HOXD4: variants seen among roughly 807,000 people sequenced by gnomAD.
The protein encoded by HOXD4 is homeobox protein Hox-D4.
Under a neutral mutation model 22.6 loss-of-function variants are expected in HOXD4, and 15 were observed. That is an observed-to-expected ratio of 0.67 (90% confidence interval 0.45 to 1.02). The LOEUF (loss-of-function observed/expected upper bound fraction) is 1.02, where lower values mean the gene tolerates loss of function less well. Ranked by LOEUF, HOXD4 falls within the 50% of genes least tolerant of loss-of-function variation. The pLI is 0.00. For missense variants in HOXD4, 350 were observed against 346.6 expected (o/e 1.01, Z -0.08); for synonymous variants, 176 against 157.0 (o/e 1.12, Z -0.90).
In HOXD4 at chr2:176,151,889, G is replaced by T; in HGVS notation, c.256G>T (p.Gly86Cys). The change falls in exon 1 of 2, where the codon GGC becomes TGC. Residue 86 changes from glycine to cysteine, a missense_variant. Coordinates refer to ENST00000306324, the MANE Select transcript of HOXD4 (RefSeq NM_014621.3). ...RGHGQEPGGP[G>C]GHYAAPGEPC... ...TCACGGACAAGAGCCAGGCGGCCCC[G>T]GCGGTCACTACGCCGCTCCAGGAGA... 1 of 1,586,716 alleles carries T rather than the reference G, an allele frequency of 6.3e-7. No homozygotes were observed. The highest frequency in any genetic ancestry group is 8.6e-7 in the Non-Finnish European group (1 of 1,166,264).
Position 176,152,953 on chromosome 2 carries a change from C to G in HOXD4, c.*11C>G, listed in dbSNP as rs747308939. On this transcript the variant is annotated 3_prime_UTR_variant, in exon 2 of 2. Coordinates refer to ENST00000306324, the MANE Select transcript of HOXD4 (RefSeq NM_014621.3). This position sits in a 1 kb window ranked among gnomAD's most constrained non-coding sequence, Gnocchi z 5.2. ...CTGACGACCTTATAGAAGTGGGGAC[C>G]CTGGGCCCATCTCTCCCTGCGCACC... is the stretch of plus-strand genomic sequence containing the variant. 6.2e-7 allele frequency: 1 copy of G among 1,612,962 alleles called. No homozygotes were observed. The highest frequency in any genetic ancestry group is 1.1e-5 in the South Asian group (1 of 91,064).
chr2:176,152,981 G>T lies in HOXD4; in HGVS notation c.*39G>T, dbSNP rs377123607. ...GGGCCCATCTCTCCCTGCGCACCAG[G>T]CTGAGCCGAAGCTGCGGGGGCAGGC... is the stretch of plus-strand genomic sequence containing the variant. On this transcript the variant is annotated 3_prime_UTR_variant, in exon 2 of 2. Coordinates refer to ENST00000306324, the MANE Select transcript of HOXD4 (RefSeq NM_014621.3). This position sits in a 1 kb window ranked among gnomAD's most constrained non-coding sequence, Gnocchi z 5.2. 5.6e-5 allele frequency: 89 copies of T among 1,598,080 alleles called. No individual in the cohort carries two copies. The highest frequency in any genetic ancestry group is 7.3e-5 in the Non-Finnish European group (85 of 1,165,622).
rs1276390734 is a variant in HOXD4 at position 176,152,689 on chromosome 2, A to G, written c.515A>G (p.Glu172Gly). 1 of 1,614,132 alleles carries G rather than the reference A, an allele frequency of 6.2e-7. No homozygotes were observed. Among genetic ancestry groups the G allele is most frequent in the Non-Finnish European group, 8.5e-7 (1 of 1,180,028 alleles). Residue 172 changes from glutamate to glycine, a missense_variant, in exon 2 of 2, where the codon GAA (glutamate) becomes GGA (glycine). Glu to Gly is a moderately conservative substitution (Grantham distance 98, BLOSUM62 -2). Coordinates refer to ENST00000306324, the MANE Select transcript of HOXD4 (RefSeq NM_014621.3). This position sits in a 1 kb window ranked among gnomAD's most constrained non-coding sequence, Gnocchi z 5.2. ...TRQQVLELEKEFHFNRYLTRR... is the reference protein window; with the variant it reads ...TRQQVLELEKGFHFNRYLTRR... The stretch of plus-strand genomic sequence containing the variant: ...CAGCAAGTCCTAGAACTGGAAAAAG[A>G]ATTTCATTTTAACAGGTATCTGACA...
chr2:176,152,020 GCCGGCCGTGGTCTAC>G lies in HOXD4; in HGVS notation c.390_404del (p.Ala131_Pro135del). ...CGCCCTCCGGGACGGCACTCAAGCA[GCCGGCCGTGGTCTAC>G]CCCTGGATGAAGAAGGTGCACGTGA... On this transcript the variant is annotated inframe_deletion, in exon 1 of 2. Coordinates refer to ENST00000306324, the MANE Select transcript of HOXD4 (RefSeq NM_014621.3). The surrounding 1 kb of genome is among the most constrained non-coding windows in gnomAD (Gnocchi z 5.2). 1 of 1,613,608 alleles carries G rather than the reference GCCGGCCGTGGTCTAC, an allele frequency of 6.2e-7. No homozygotes were observed. Among genetic ancestry groups the G allele is most frequent in the Non-Finnish European group, 8.5e-7 (1 of 1,179,912 alleles).
At position 176,153,123 on chromosome 2, in the gene HOXD4, G is replaced by C; in HGVS notation, c.*181G>C. On this transcript the variant is annotated 3_prime_UTR_variant, in exon 2 of 2. Coordinates refer to ENST00000306324, the MANE Select transcript of HOXD4 (RefSeq NM_014621.3). ...GAGGGCAGCCCCCTCCCTAGAGCGG[G>C]ATGGGGATGGGAGGGGGGGCGGGAT... The C allele has an allele frequency of 2.8e-6, 1 of 355,884 alleles. No homozygotes were observed. The highest frequency in any genetic ancestry group is 5.5e-6 in the Non-Finnish European group (1 of 181,268). The allele number at this position is 355,884 out of a possible 1,614,324, so 22.0% of individuals were successfully genotyped here.
At position 176,152,502 on chromosome 2, in the gene HOXD4, G is replaced by A. The variant is rs2105423439; in HGVS notation, c.434-106G>A. ...AGCAAGCGAGCTTGGGAGCGCGCGGGGAGGGCCGCGGGCCTCGGGGCGCGC... is the reference window on the plus strand; with the variant it reads ...AGCAAGCGAGCTTGGGAGCGCGCGGAGAGGGCCGCGGGCCTCGGGGCGCGC... On this transcript the variant is annotated intron_variant, in intron 1 of 1. Transcript: ENST00000306324. The surrounding 1 kb of genome is among the most constrained non-coding windows in gnomAD (Gnocchi z 5.2). The A allele has an allele frequency of 2.1e-6, 2 of 933,264 alleles. No homozygotes were observed. Among genetic ancestry groups the A allele is most frequent in the East Asian group, 2.5e-5 (1 of 39,872 alleles). 57.8% of individuals were successfully genotyped at this position (933,264 alleles called of 1,614,324 possible).
In HOXD4 at chr2:176,152,172, G is replaced by A; in HGVS notation, c.433+106G>A. 3.3e-6 allele frequency: 3 copies of A among 900,958 alleles called. No individual in the cohort carries two copies. The highest frequency in any genetic ancestry group is 3.5e-6 in the Non-Finnish European group (2 of 564,226). 55.8% of individuals were successfully genotyped at this position (900,958 alleles called of 1,614,324 possible). A position where few individuals can be genotyped will look rare whatever the true frequency, so the allele number is the denominator to read the frequency against. On this transcript the variant is annotated intron_variant, in intron 1 of 1. Transcript: ENST00000306324. This position sits in a 1 kb window ranked among gnomAD's most constrained non-coding sequence, Gnocchi z 5.2. ...GGGGGCGTGTGGAGCTTCCATGGGCGCCGCAATTACTCTCCCCATAAATTT... is the reference window on the plus strand; with the variant it reads ...GGGGGCGTGTGGAGCTTCCATGGGCACCGCAATTACTCTCCCCATAAATTT...
Position 176,152,153 on chromosome 2 carries a change from G to C in HOXD4, c.433+87G>C. On this transcript the variant is annotated intron_variant, in intron 1 of 1. Coordinates refer to ENST00000306324, the MANE Select transcript of HOXD4 (RefSeq NM_014621.3). This position sits in a 1 kb window ranked among gnomAD's most constrained non-coding sequence, Gnocchi z 5.2. ...GAAGGGGGTGCGAGTAGGTGGGGGC[G>C]TGTGGAGCTTCCATGGGCGCCGCAA... 1 of 1,152,574 alleles carries C rather than the reference G, an allele frequency of 8.7e-7. No homozygotes were observed. Among genetic ancestry groups the C allele is most frequent in the South Asian group, 1.3e-5 (1 of 78,878 alleles). 71.4% of individuals were successfully genotyped at this position (1,152,574 alleles called of 1,614,324 possible). A position where few individuals can be genotyped will look rare whatever the true frequency, so the allele number is the denominator to read the frequency against.
Position 176,151,655 on chromosome 2 carries a change from G to C in HOXD4, c.22G>C (p.Val8Leu). The C allele has an allele frequency of 5.6e-6, 9 of 1,613,016 alleles. No individual in the cohort carries two copies. The South Asian group carries it at 9.9e-5, about 18-fold the overall frequency. MVMSSYM[V>L]NSKYVDPKFP... ...ATTAATGGTCATGAGTTCGTATATGGTGAACTCCAAGTATGTGGACCCCAA... is the reference window on the plus strand; with the variant it reads ...ATTAATGGTCATGAGTTCGTATATGCTGAACTCCAAGTATGTGGACCCCAA... The change falls in exon 1 of 2, where the codon GTG becomes CTG. Residue 8 changes from valine to leucine, a missense_variant. Val to Leu is a conservative substitution (Grantham distance 32). Coordinates refer to ENST00000306324, the MANE Select transcript of HOXD4 (RefSeq NM_014621.3).
At position 176,152,649 on chromosome 2, in the gene HOXD4, A is replaced by T; in HGVS notation, c.475A>T (p.Thr159Ser). The T allele has an allele frequency of 6.2e-7, 1 of 1,614,158 alleles. No individual in the cohort carries two copies. Among genetic ancestry groups the T allele is most frequent in the Non-Finnish European group, 8.5e-7 (1 of 1,180,036 alleles). The change falls in exon 2 of 2, where the codon ACG (threonine) becomes TCG (serine). Residue 159 changes from threonine (T) to serine (S), a missense_variant. Physicochemically the swap from Thr to Ser is moderately conservative, Grantham distance 58. Coordinates refer to ENST00000306324, the MANE Select transcript of HOXD4 (RefSeq NM_014621.3). The surrounding 1 kb of genome is among the most constrained non-coding windows in gnomAD (Gnocchi z 5.2). ...YTGGEPKRSRTAYTRQQVLEL... is the reference protein window; with the variant it reads ...YTGGEPKRSRSAYTRQQVLEL... ...CGGTGGGGAACCCAAGCGGTCCCGA[A>T]CGGCCTACACCCGGCAGCAAGTCCT...
chr2:176,152,458 G>A lies in HOXD4; in HGVS notation c.434-150G>A. 1 of 709,092 alleles carries A rather than the reference G, an allele frequency of 1.4e-6. No individual in the cohort carries two copies. The highest frequency in any genetic ancestry group is 2.7e-5 in the East Asian group (1 of 36,758). 43.9% of individuals were successfully genotyped at this position (709,092 alleles called of 1,614,324 possible). On this transcript the variant is annotated intron_variant, in intron 1 of 1. Transcript: ENST00000306324. The surrounding 1 kb of genome is among the most constrained non-coding windows in gnomAD (Gnocchi z 5.2). ...GGTGGGAGTGAGCGTGTGCGCCGGG[G>A]AGAGGGCGGGAGGGAGGAAGCAAGC...
Position 176,152,109 on chromosome 2 carries a change from CGTTAGCCTG to C in HOXD4, c.433+45_433+53del. On this transcript the variant is annotated intron_variant, in intron 1 of 1. Transcript: ENST00000306324. This position sits in a 1 kb window ranked among gnomAD's most constrained non-coding sequence, Gnocchi z 5.2. ...TAACCTTTCTGTCCACATCCCAGCCCGTTAGCCTGGGTCCTCTGGAAGGGGGTGCGAGTA... is the reference window on the plus strand; with the variant it reads ...TAACCTTTCTGTCCACATCCCAGCCCGGTCCTCTGGAAGGGGGTGCGAGTA... 6.4e-7 allele frequency: 1 copy of C among 1,552,850 alleles called. No individual in the cohort carries two copies. The highest frequency in any genetic ancestry group is 8.9e-7 in the Non-Finnish European group (1 of 1,125,388).
rs2105423260 is a variant in HOXD4 at position 176,152,396 on chromosome 2, C to T, written c.434-212C>T. 6.6e-6 allele frequency among the ~76,000 whole-genome samples: 1 copy of T among 151,096 alleles called. No homozygotes were observed. Among genetic ancestry groups the T allele is most frequent in the South Asian group, 2.1e-4 (1 of 4,750 alleles). On this transcript the variant is annotated intron_variant, in intron 1 of 1. Coordinates refer to ENST00000306324, the MANE Select transcript of HOXD4 (RefSeq NM_014621.3). The surrounding 1 kb of genome is among the most constrained non-coding windows in gnomAD (Gnocchi z 5.2). ...GAAGAAGGAGCACATTTGGGGATCC[C>T]GCAAGCCTGGGGTATGTGGGTGTGT... is the stretch of plus-strand genomic sequence containing the variant.
Position 176,152,854 on chromosome 2 carries a change from C to G in HOXD4, c.680C>G (p.Ser227Cys), listed in dbSNP as rs1574974055. 1.2e-6 allele frequency: 2 copies of G among 1,614,070 alleles called. No individual in the cohort carries two copies. Among genetic ancestry groups the G allele is most frequent in the Non-Finnish European group, 1.7e-6 (2 of 1,180,030 alleles). The change falls in exon 2 of 2, where the codon TCC becomes TGC. Residue 227 changes from serine (S) to cysteine (C), a missense_variant. Ser to Cys is a moderately radical substitution (Grantham distance 112). Coordinates refer to ENST00000306324, the MANE Select transcript of HOXD4 (RefSeq NM_014621.3). The surrounding 1 kb of genome is among the most constrained non-coding windows in gnomAD (Gnocchi z 5.2). Reference protein sequence around the residue: ...NTKGRSSSSSSSSSCSSSVAP... With the variant: ...NTKGRSSSSSCSSSCSSSVAP... ...AAAGGCAGGTCATCGTCCTCATCTTCCTCCTCATCTTGCTCCTCCTCAGTC... is the reference window on the plus strand; with the variant it reads ...AAAGGCAGGTCATCGTCCTCATCTTGCTCCTCATCTTGCTCCTCCTCAGTC...
Position 176,151,815 on chromosome 2 carries a change from C to A in HOXD4, c.182C>A (p.Pro61His), listed in dbSNP as rs772572412. 2 of 1,609,302 alleles carry A rather than the reference C, an allele frequency of 1.2e-6. No individual in the cohort carries two copies. The highest frequency in any genetic ancestry group is 1.3e-5 in the African/African-American group (1 of 74,938). Residue 61 changes from proline to histidine, a missense_variant, in exon 1 of 2, where the codon CCT (proline) becomes CAT (histidine). Pro to His is a moderately conservative substitution (Grantham distance 77, BLOSUM62 -2). Transcript: ENST00000306324. ...LYPRPDFGEQ[P>H]FGGSGPGPGS... ...CCACGGCCCGACTTCGGTGAGCAGC[C>A]TTTCGGAGGCAGCGGCCCCGGGCCT...
In HOXD4 at chr2:176,152,913, G is replaced by C; in HGVS notation, c.739G>C (p.Asp247His). The C allele has an allele frequency of 6.2e-7, 1 of 1,614,174 alleles. No homozygotes were observed. The highest frequency in any genetic ancestry group is 8.5e-7 in the Non-Finnish European group (1 of 1,180,028). The change falls in exon 2 of 2, where the codon GAC (aspartate) becomes CAC (histidine). Residue 247 changes from aspartate to histidine, a missense_variant. Coordinates refer to ENST00000306324, the MANE Select transcript of HOXD4 (RefSeq NM_014621.3). This position sits in a 1 kb window ranked among gnomAD's most constrained non-coding sequence, Gnocchi z 5.2. ...CCAGCATTTACAGCCGATGGCCAAA[G>C]ACCACCACACGGACCTGACGACCTT... is the stretch of plus-strand genomic sequence containing the variant. ...PSQHLQPMAK[D>H]HHTDLTTL
In HOXD4 at chr2:176,152,557, T is replaced by C. The variant is rs1690561502; in HGVS notation, c.434-51T>C. ...AAGTGAGCGGCGGAGGCGAGGGGCCTAACTAGTGGCCGGGCGCTGACCTGC... is the reference window on the plus strand; with the variant it reads ...AAGTGAGCGGCGGAGGCGAGGGGCCCAACTAGTGGCCGGGCGCTGACCTGC... On this transcript the variant is annotated intron_variant, in intron 1 of 1. Transcript: ENST00000306324. This position sits in a 1 kb window ranked among gnomAD's most constrained non-coding sequence, Gnocchi z 5.2. 2.0e-6 allele frequency: 3 copies of C among 1,491,036 alleles called. No individual in the cohort carries two copies. The highest frequency in any genetic ancestry group is 2.8e-6 in the Non-Finnish European group (3 of 1,070,288). 92.4% of individuals were successfully genotyped at this position (1,491,036 alleles called of 1,614,324 possible). A position where few individuals can be genotyped will look rare whatever the true frequency, so the allele number is the denominator to read the frequency against.
At position 176,152,845 on chromosome 2, in the gene HOXD4, C is replaced by T. The variant is rs942498317; in HGVS notation, c.671C>T (p.Ser224Phe). 7 of 1,613,916 alleles carry T rather than the reference C, an allele frequency of 4.3e-6. No homozygotes were observed. Among genetic ancestry groups the T allele is most frequent in the Non-Finnish European group, 5.9e-6 (7 of 1,180,042 alleles). ...CCCAACACTAAAGGCAGGTCATCGTCCTCATCTTCCTCCTCATCTTGCTCC... is the reference window on the plus strand; with the variant it reads ...CCCAACACTAAAGGCAGGTCATCGTTCTCATCTTCCTCCTCATCTTGCTCC... ...KLPNTKGRSSSSSSSSSCSSS... is the reference protein window; with the variant it reads ...KLPNTKGRSSFSSSSSSCSSS... The change falls in exon 2 of 2, where the codon TCC becomes TTC. Residue 224 changes from serine (S) to phenylalanine (F), a missense_variant. Ser to Phe is a radical substitution (Grantham distance 155, BLOSUM62 -2). Coordinates refer to ENST00000306324, the MANE Select transcript of HOXD4 (RefSeq NM_014621.3). This position sits in a 1 kb window ranked among gnomAD's most constrained non-coding sequence, Gnocchi z 5.2.
At position 176,152,115 on chromosome 2, in the gene HOXD4, C is replaced by G. The variant is rs148792457; in HGVS notation, c.433+49C>G. 7,561 of 1,525,776 alleles carry G rather than the reference C, an allele frequency of 5.0e-3. 46 individuals are homozygous for G. The highest frequency in any genetic ancestry group is 0.033 in the Middle Eastern group (194 of 5,882). The allele number at this position is 1,525,776 out of a possible 1,614,324, so 94.5% of individuals were successfully genotyped here. A position where few individuals can be genotyped will look rare whatever the true frequency, so the allele number is the denominator to read the frequency against. The stretch of plus-strand genomic sequence containing the variant: ...TTCTGTCCACATCCCAGCCCGTTAG[C>G]CTGGGTCCTCTGGAAGGGGGTGCGA... On this transcript the variant is annotated intron_variant, in intron 1 of 1. Coordinates refer to ENST00000306324, the MANE Select transcript of HOXD4 (RefSeq NM_014621.3). This position sits in a 1 kb window ranked among gnomAD's most constrained non-coding sequence, Gnocchi z 5.2.
Sources: allele counts gnomAD v4.1 joint callset (sites outside exome capture counted in the v4.1 genomes callset), GRCh38; gene constraint gnomAD v4.1.1; non-coding constraint Gnocchi (gnomAD v3.1); transcripts MANE v1.5; gene names NCBI Gene and HGNC (gene_info 2026-07-23, HGNC 2026-07-21).